NSUN3: variants seen among roughly 807,000 people sequenced by gnomAD.
The protein encoded by NSUN3 is NOP2/Sun RNA methyltransferase 3, also known as tRNA (cytosine(34)-C(5))-methyltransferase, mitochondrial.
NSUN3 carries 24 observed loss-of-function variants against 36.8 expected under a neutral mutation model. That is an observed-to-expected ratio of 0.65 (90% CI 0.47 to 0.92). NSUN3 has a LOEUF of 0.92. Ranked by LOEUF, NSUN3 falls within the 40% of genes least tolerant of loss-of-function variation. NSUN3 has a pLI of 0.00. For missense variants in NSUN3, 381 were observed against 392.8 expected (o/e 0.97, Z 0.25); for synonymous variants, 146 against 145.2 (o/e 1.01, Z -0.04).
intron 5 of NSUN3, among the ~76,000 whole-genome samples, chr3:94,102,042 C>G (rs576435778): frequency 5.3e-5 from 8 of 151,962 alleles, no homozygotes; most frequent in African/African-American, 1.9e-4. Flanking sequence ...TTCTGGTTTT[C>G]TTTTCTCACT....
At chr3:94,083,254 G>A (rs2077277968) in intron 2 of NSUN3, among the ~76,000 whole-genome samples, 1 of 152,132 alleles carries the variant, frequency 6.6e-6, no homozygotes, top group South Asian at 2.1e-4. Flanking sequence ...AAGTTGTCCA[G>A]GTTCTTGGAG....
At chr3:94,096,465 C>T (rs924009450) in intron 5 of NSUN3, among the ~76,000 whole-genome samples, 2 of 151,942 alleles carry the variant, frequency 1.3e-5, no homozygotes, top group Admixed American at 6.6e-5. Context: ...CTCACCTAAG[C>T]TGTTTTGATT....
intron 5 of NSUN3, among the ~76,000 whole-genome samples, chr3:94,112,367 C>T (rs1271166702): frequency 6.6e-6 from 1 of 152,196 alleles, no homozygotes; most frequent in Non-Finnish European, 1.5e-5. Context: ...GGCAGTTCTT[C>T]ACTTAGATTC....
At chr3:94,076,299 T>A in intron 2 of NSUN3, 1 of 874,910 alleles carries the variant, frequency 1.1e-6, no homozygotes, top group Non-Finnish European at 2.0e-6. Context: ...AACAGTCTTG[T>A]CAGCTGATCC....
intron 4 of NSUN3, among the ~76,000 whole-genome samples, 196 bp from the exon 5 acceptor site, chr3:94,094,830 AGTACATG>A (rs761003430): frequency 1.1e-4 from 17 of 152,210 alleles, no homozygotes; most frequent in Non-Finnish European, 2.2e-4. Flanking sequence ...AAACACTGAA[AGTACATG>A]GTAAGTTTTT....
At position 94,128,997 on chromosome 3, in the gene NSUN3, A is replaced by G. The variant is rs930577538; in HGVS notation, c.*2507A>G. On this transcript the variant is annotated 3_prime_UTR_variant, in exon 6 of 6. Coordinates refer to ENST00000314622, the MANE Select transcript of NSUN3 (RefSeq NM_022072.5). ...TATTAAAAAGTCAATAAAATAAAAA[A>G]TAACAGACGCTGATGAGGCTGTGGA... 6.6e-6 allele frequency among the ~76,000 whole-genome samples: 1 copy of G among 152,202 alleles called. No homozygotes were observed. The highest frequency in any genetic ancestry group is 1.5e-5 in the Non-Finnish European group (1 of 68,026).
At chr3:94,120,896 A>G (rs1168584976) in intron 5 of NSUN3, among the ~76,000 whole-genome samples, 1 of 152,214 alleles carries the variant, frequency 6.6e-6, no homozygotes, top group African/African-American at 2.4e-5. Flanking sequence ...TAACATTTTT[A>G]AAGAAAGTCT....
intron 5 of NSUN3, among the ~76,000 whole-genome samples, chr3:94,104,467 G>A (rs1184761657): frequency 1.3e-5 from 2 of 152,120 alleles, no homozygotes; most frequent in Non-Finnish European, 2.9e-5. Context: ...CTGAATTGAG[G>A]GGCATGATTT....
chr3:94,074,228 G>A (rs2107238901), intron 2 of NSUN3, among the ~76,000 whole-genome samples: 1 of 152,270 alleles, frequency 6.6e-6, no homozygotes, highest in East Asian at 1.9e-4. Flanking sequence ...TTGAAGTCAG[G>A]TAGCATGATG....
chr3:94,081,786 T>C (rs925706007), intron 2 of NSUN3: 5 of 152,210 alleles, frequency 3.3e-5, no homozygotes, highest in African/African-American at 1.2e-4. Context: ...GTGATCAGGA[T>C]TGGAAAAATT....
intron 2 of NSUN3, among the ~76,000 whole-genome samples, chr3:94,071,634 A>G (rs1040129285): frequency 2.0e-5 from 3 of 152,114 alleles, no homozygotes; most frequent in African/African-American, 7.2e-5. Context: ...TTTCAAAATG[A>G]TATCAGTGGT....
rs2077332254 is a variant in NSUN3, at chr3:94,095,122, G to A, written c.711G>A (p.Arg237=). The change falls in exon 5 of 6, where the codon AGG becomes AGA. Residue 237 remains arginine, a synonymous_variant. Coordinates refer to ENST00000314622, the MANE Select transcript of NSUN3 (RefSeq NM_022072.5). ...CATCCTGTAGGATAAGTCAAAGGAG[G>A]AATTTGCCTCTTCTACAGATAGAGC... The part of the protein sequence containing the change: ...QKASCRISQR[R]NLPLLQIELL... 6.2e-7 allele frequency: 1 copy of A among 1,613,838 alleles called. No homozygotes were observed. Among genetic ancestry groups the A allele is most frequent in the Non-Finnish European group, 8.5e-7 (1 of 1,179,826 alleles).
intron 5 of NSUN3, among the ~76,000 whole-genome samples, chr3:94,124,407 G>T (rs112674999): frequency 1.3e-5 from 2 of 151,788 alleles, no homozygotes; most frequent in African/African-American, 4.8e-5. Context: ...GATTACAGGC[G>T]TGAGCCACCG....
chr3:94,089,173 C>A (rs1337250277), intron 3 of NSUN3, among the ~76,000 whole-genome samples: 3 of 152,096 alleles, frequency 2.0e-5, no homozygotes, highest in African/African-American at 7.2e-5. Context: ...AGAAACTTAC[C>A]ATTATCCTTT....
At chr3:94,124,005 G>A (rs2077474665) in intron 5 of NSUN3, among the ~76,000 whole-genome samples, 1 of 151,754 alleles carries the variant, frequency 6.6e-6, no homozygotes, top group Non-Finnish European at 1.5e-5. Context: ...ATGTGTATAT[G>A]TATATATGTT....
rs1037910916 is a variant in NSUN3 at position 94,103,879 on chromosome 3, G to A, written c.743+8725G>A. Among the ~76,000 whole-genome samples the A allele has an allele frequency of 3.6e-4, 55 of 152,196 alleles. 1 individual carries two copies. The highest frequency in any genetic ancestry group is 1.5e-4 in the Non-Finnish European group (10 of 68,040). On this transcript the variant is annotated intron_variant, in intron 5 of 5. Transcript: ENST00000314622. ...GGGAAGGAGTTATAGCAGCTGGCCT[G>A]TGATCCATTTCTGTTTTGATTTCCA...
chr3:94,076,483 ATCT>A (rs2077246849), intron 2 of NSUN3: 5 of 786,774 alleles, frequency 6.4e-6, no homozygotes, highest in South Asian at 2.7e-5. Context: ...GCCAGGAAAC[ATCT>A]TCTACTACTA....
At chr3:94,117,188 C>T (rs948953506) in intron 5 of NSUN3, among the ~76,000 whole-genome samples, 2 of 151,676 alleles carry the variant, frequency 1.3e-5, no homozygotes, top group Non-Finnish European at 1.5e-5. Flanking sequence ...TTGGTAGAGA[C>T]GAGTTTTCAC....
At chr3:94,103,289 T>G (rs578003629) in intron 5 of NSUN3, among the ~76,000 whole-genome samples, 113 of 152,144 alleles carry the variant, frequency 7.4e-4, no homozygotes, top group African/African-American at 2.7e-3. Context: ...TATCGTAAAA[T>G]GTGGTAAGAC....
Sources: gnomAD v4.1 joint callset for allele counts (sites outside exome capture counted in the v4.1 genomes callset) on GRCh38, gnomAD v4.1.1 for gene constraint, MANE v1.5 for transcripts, NCBI Gene and HGNC (gene_info 2026-07-23, HGNC 2026-07-21) for gene names.